ASTN2: variants seen among roughly 807,000 people sequenced by gnomAD.
ASTN2 encodes the protein astrotactin 2.
In ASTN2, 54 loss-of-function variants were observed where a neutral mutation model predicts 139.8. The ratio of observed to expected loss-of-function variants is 0.39; its 90% confidence interval spans 0.31 to 0.48. The LOEUF is 0.48. ASTN2 is among the 20% of genes least tolerant of loss of function. The pLI is 0.95. For synonymous variants in ASTN2, 756 were observed against 719.5 expected, an observed-to-expected ratio of 1.05 and a Z score of -0.81; for missense variants, 1,565 against 1,725.1, an observed-to-expected ratio of 0.91 and a Z score of 1.64.
chr9:117,290,739 C>T (rs1318306140), intron 2 of ASTN2, among the ~76,000 whole-genome samples: 1 of 152,160 alleles, frequency 6.6e-6, no homozygotes, highest in Non-Finnish European at 1.5e-5. Flanking sequence ...TTCCATCATT[C>T]GCTGGCTATG....
At position 116,684,963 on chromosome 9, in the gene ASTN2, A is replaced by T. The variant is rs375642696; in HGVS notation, c.2807-33170T>A. On this transcript the variant is annotated intron_variant, in intron 16 of 22. Transcript: ENST00000313400. Reference sequence around the variant, plus strand: ...AAATTTAGTCTGTAGTTCATAGTTTAAACAAAGACAGTAACAACCCTATCC... The same window carrying T: ...AAATTTAGTCTGTAGTTCATAGTTTTAACAAAGACAGTAACAACCCTATCC... Among the ~76,000 whole-genome samples the T allele has an allele frequency of 1.9e-4, 29 of 152,328 alleles. No individual in the cohort carries two copies. The East Asian group carries it at 2.3e-3, about 12-fold the overall frequency.
chr9:117,222,139 A>G (rs1832543126), intron 2 of ASTN2, among the ~76,000 whole-genome samples: 1 of 151,804 alleles, frequency 6.6e-6, no homozygotes, highest in African/African-American at 2.4e-5. Flanking sequence ...ACTATGCTCA[A>G]TCCATCTTAC....
intron 4 of ASTN2, among the ~76,000 whole-genome samples, chr9:117,127,837 C>T (rs1010350953): frequency 6.6e-6 from 1 of 151,776 alleles, no homozygotes; most frequent in Non-Finnish European, 1.5e-5. Flanking sequence ...CCCGCCACCA[C>T]GCCCACCTAA....
intron 16 of ASTN2, among the ~76,000 whole-genome samples, chr9:116,663,782 A>T (rs560963198): frequency 4.6e-5 from 7 of 152,310 alleles, no homozygotes; most frequent in Admixed American, 2.6e-4. Context: ...TGCATACATT[A>T]TGCCCTTTGG....
intron 3 of ASTN2, among the ~76,000 whole-genome samples, chr9:117,146,472 A>G (rs970816972): frequency 1.1e-5 from 1 of 88,714 alleles, no homozygotes; most frequent in Non-Finnish European, 2.4e-5. Flanking sequence ...ATGGAAGAGG[A>G]GAGAAAAAAA....
At position 116,699,074 on chromosome 9, in the gene ASTN2, G is replaced by A. The variant is rs780303807; in HGVS notation, c.2806+26697C>T. The A allele has an allele frequency of 6.2e-7, 1 of 1,614,114 alleles. No individual in the cohort carries two copies. Among genetic ancestry groups the A allele is most frequent in the Non-Finnish European group, 8.5e-7 (1 of 1,179,970 alleles). ...TGAACTGCCAGGGGCTGATTGGTGT[G>A]ACTGACAGCTATGATAACTCCCTCA... On this transcript the variant is annotated intron_variant, in intron 16 of 22. Coordinates refer to ENST00000313400, the MANE Select transcript of ASTN2 (RefSeq NM_001365068.1). This position sits in a 1 kb window ranked among gnomAD's most constrained non-coding sequence, Gnocchi z 4.2.
intron 10 of ASTN2, among the ~76,000 whole-genome samples, chr9:116,944,999 ACTGTGTCATCAAGAT>A (rs1835350037): frequency 6.6e-6 from 1 of 152,166 alleles, no homozygotes; most frequent in Admixed American, 6.5e-5. Context: ...CATCAGCTCA[ACTGTGTCATCAAGAT>A]CTATCCTTTC....
intron 11 of ASTN2, among the ~76,000 whole-genome samples, chr9:116,833,008 C>T (rs1465348059): frequency 2.3e-5 from 3 of 132,348 alleles, no homozygotes; most frequent in Admixed American, 7.7e-5. Flanking sequence ...TGGTATATTT[C>T]TCCAGTGAAA....
chr9:116,617,739 T>C (rs922025100), intron 19 of ASTN2, among the ~76,000 whole-genome samples: 1 of 152,186 alleles, frequency 6.6e-6, no homozygotes, highest in African/African-American at 2.4e-5. Flanking sequence ...GAACAGAAAA[T>C]GTAAGCCCCA....
At chr9:116,443,238 C>A (rs1369250359) in intron 20 of ASTN2, among the ~76,000 whole-genome samples, 1 of 152,054 alleles carries the variant, frequency 6.6e-6, no homozygotes, top group African/African-American at 2.4e-5. Context: ...GGAAGGAAGA[C>A]CTGGGGAAAG....
chr9:116,663,292 C>G (rs1234826774), intron 16 of ASTN2, among the ~76,000 whole-genome samples: 1 of 152,150 alleles, frequency 6.6e-6, no homozygotes, highest in Non-Finnish European at 1.5e-5. Context: ...TACCAGCCCA[C>G]CTTGGGGCCA....
At chr9:117,193,654 A>AAG (rs1337319006) in intron 3 of ASTN2, among the ~76,000 whole-genome samples, 2 of 149,304 alleles carry the variant, frequency 1.3e-5, no homozygotes, top group Admixed American at 6.7e-5. Context: ...AAAAAAAAAA[A>AAG]AAGAAAAAGA....
chr9:116,634,050 G>A (rs1158613696), intron 17 of ASTN2, among the ~76,000 whole-genome samples: 1 of 152,112 alleles, frequency 6.6e-6, no homozygotes, highest in African/African-American at 2.4e-5. Context: ...AGACTCCTGG[G>A]TTCAAATTCC....
At chr9:117,345,793 A>G (rs1321659572) in intron 1 of ASTN2, among the ~76,000 whole-genome samples, 1 of 152,036 alleles carries the variant, frequency 6.6e-6, no homozygotes, top group East Asian at 1.9e-4. Flanking sequence ...GAAAATACAT[A>G]CACTTCCCTA....
At chr9:117,308,213 A>AAATCAATC (rs112764473) in intron 1 of ASTN2, among the ~76,000 whole-genome samples, 17,988 of 150,276 alleles carry the variant, frequency 0.12, 1,321 homozygotes, top group Admixed American at 0.18. Context: ...TGCTGGGGCA[A>AAATCAATC]AATCAATCAA....
chr9:117,071,757 G>T (rs150047237), intron 5 of ASTN2, among the ~76,000 whole-genome samples: 18,387 of 150,078 alleles, frequency 0.12, 1,205 homozygotes, highest in East Asian at 0.18. Context: ...ATACTCGGGT[G>T]GGAGTGACCC....
At chr9:117,346,220 T>A (rs181882345) in intron 1 of ASTN2, among the ~76,000 whole-genome samples, 154 of 152,196 alleles carry the variant, frequency 1.0e-3, no homozygotes, top group African/African-American at 3.6e-3. Flanking sequence ...GTTACTTTTT[T>A]AAAAGGATTT....
At chr9:116,917,537 T>C (rs1300867667) in intron 10 of ASTN2, among the ~76,000 whole-genome samples, 1 of 152,236 alleles carries the variant, frequency 6.6e-6, no homozygotes, top group African/African-American at 2.4e-5. Context: ...ACTTGTGTCT[T>C]AAAGAGGAAT....
chr9:117,249,753 T>C (rs1833486543), intron 2 of ASTN2, among the ~76,000 whole-genome samples: 1 of 151,916 alleles, frequency 6.6e-6, no homozygotes, highest in Non-Finnish European at 1.5e-5. Flanking sequence ...AGGGCACTTA[T>C]TCAAGCCGTA....
Sources: allele counts gnomAD v4.1 joint callset (sites outside exome capture counted in the v4.1 genomes callset), GRCh38; gene constraint gnomAD v4.1.1; non-coding constraint Gnocchi (gnomAD v3.1); transcripts MANE v1.5; gene names NCBI Gene and HGNC (gene_info 2026-07-23, HGNC 2026-07-21).